The following CACUL1 variants were observed in gnomAD, a reference collection of about 807,000 sequenced individuals.
CACUL1 encodes the protein CDK2-associated and cullin domain-containing protein 1.
CACUL1 carries 13 observed loss-of-function variants against 45.2 expected under a neutral mutation model. The observed-to-expected ratio is 0.29, with a 90% CI of 0.19 to 0.46. The LOEUF (loss-of-function observed/expected upper bound fraction) is 0.46, where lower values mean the gene tolerates loss of function less well. Ranked by LOEUF, CACUL1 falls within the 20% of genes least tolerant of loss-of-function variation. CACUL1 has a pLI of 1.00. For missense variants in CACUL1, 421 were observed against 471.4 expected (o/e 0.89, Z 0.99); for synonymous variants, 197 against 174.2 (o/e 1.13, Z -1.03).
chr10:118,736,622 C>T (rs556794632), intron 1 of CACUL1, among the ~76,000 whole-genome samples: 2 of 152,150 alleles, frequency 1.3e-5, no homozygotes, highest in East Asian at 3.9e-4. Flanking sequence ...GGATTACACA[C>T]GTGAGCCACA....
chr10:118,713,555 C>T (rs994143462), intron 3 of CACUL1, among the ~76,000 whole-genome samples: 1 of 152,334 alleles, frequency 6.6e-6, no homozygotes, highest in Middle Eastern at 3.4e-3. Context: ...TCTGGATTCC[C>T]TGAATTTTGT....
intron 3 of CACUL1, 69 bp from the exon 4 acceptor site, chr10:118,707,656 CACAA>C (rs985181970): frequency 2.0e-5 from 12 of 608,476 alleles, no homozygotes; most frequent in Admixed American, 3.2e-5. Flanking sequence ...TAATTTGAAA[CACAA>C]ACAGAAGGAA....
At chr10:118,693,698 A>G (rs1361102817) in intron 6 of CACUL1, 1 of 456,654 alleles carries the variant, frequency 2.2e-6, no homozygotes, top group Non-Finnish European at 4.4e-6. Context: ...AACCTGGTAC[A>G]CACACTATTT....
chr10:118,754,965 G>C lies in CACUL1; in HGVS notation c.-203C>G. 1 of 600,896 alleles carries C rather than the reference G, an allele frequency of 1.7e-6. No homozygotes were observed. The highest frequency in any genetic ancestry group is 2.7e-6 in the Non-Finnish European group (1 of 374,482). 37.2% of individuals were successfully genotyped at this position (600,896 alleles called of 1,614,324 possible). A position where few individuals can be genotyped will look rare whatever the true frequency, so the allele number is the denominator to read the frequency against. ...CGGCTGACGGCGGTGGGCGCTCCGG[G>C]GCTCTAGTCTGGGAGAGGCAGCCGT... On this transcript the variant is annotated 5_prime_UTR_variant, in exon 1 of 9. Coordinates refer to ENST00000369151, the MANE Select transcript of CACUL1 (RefSeq NM_153810.5).
chr10:118,739,001 C>G (rs954918357), intron 1 of CACUL1, among the ~76,000 whole-genome samples: 2 of 150,568 alleles, frequency 1.3e-5, no homozygotes, highest in East Asian at 2.0e-4. Flanking sequence ...ATAGAGTCTC[C>G]TGGCTAACAC....
At chr10:118,750,682 T>C (rs1276415859) in intron 1 of CACUL1, among the ~76,000 whole-genome samples, 2 of 152,198 alleles carry the variant, frequency 1.3e-5, no homozygotes, top group Non-Finnish European at 2.9e-5. Flanking sequence ...ACTTCGGACA[T>C]CTCAACATCT....
Position 118,754,929 on chromosome 10 carries a change from G to A in CACUL1, c.-167C>T, listed in dbSNP as rs1845943134. On this transcript the variant is annotated 5_prime_UTR_variant, in exon 1 of 9. Transcript: ENST00000369151. Reference sequence around the variant, plus strand: ...CTCTCGCTCTCCGCGGGGCCGACTAGCTTGAAGACGCGGCTGACGGCGGTG... The same window carrying A: ...CTCTCGCTCTCCGCGGGGCCGACTAACTTGAAGACGCGGCTGACGGCGGTG... The A allele has an allele frequency of 4.4e-6, 4 of 912,054 alleles. No homozygotes were observed. The highest frequency in any genetic ancestry group is 3.2e-5 in the East Asian group (1 of 31,132). The allele number at this position is 912,054 out of a possible 1,614,324, so 56.5% of individuals were successfully genotyped here.
chr10:118,754,735 C>T lies in CACUL1; in HGVS notation c.28G>A (p.Gly10Arg). ...TCCATCATCGCCTCGTAGCTGCCCC[C>T]CTCCTCCTCTTCCATGCTTTCCTCC... MEESMEEEE[G>R]GSYEAMMDDQ... The change falls in exon 1 of 9, where the codon GGG becomes AGG. Residue 10 changes from glycine to arginine, a missense_variant. Gly to Arg is a moderately radical substitution (Grantham distance 125). Around this residue, in one of 2 missense-constraint regions of CACUL1, gnomAD observed 213 missense variants for 173.1 expected, o/e 1.23. Coordinates refer to ENST00000369151, the MANE Select transcript of CACUL1 (RefSeq NM_153810.5). 6.2e-7 allele frequency: 1 copy of T among 1,600,274 alleles called. No homozygotes were observed. The highest frequency in any genetic ancestry group is 8.5e-7 in the Non-Finnish European group (1 of 1,174,850).
At chr10:118,751,834 TA>T (rs1214305370) in intron 1 of CACUL1, among the ~76,000 whole-genome samples, 3 of 152,244 alleles carry the variant, frequency 2.0e-5, no homozygotes, top group Admixed American at 1.3e-4. Context: ...TTGTACCATT[TA>T]TTTAGATTAT....
chr10:118,709,210 A>C (rs1845462280), intron 3 of CACUL1, among the ~76,000 whole-genome samples: 1 of 152,202 alleles, frequency 6.6e-6, no homozygotes, highest in African/African-American at 2.4e-5. Context: ...CCTTATCTCC[A>C]ACAGTGGGAA....
chr10:118,734,526 G>C (rs919888124), intron 1 of CACUL1, among the ~76,000 whole-genome samples: 1 of 152,126 alleles, frequency 6.6e-6, no homozygotes, highest in Non-Finnish European at 1.5e-5. Context: ...TGAAAATAAT[G>C]AACTACTTTT....
At chr10:118,686,734 T>C (rs1845211612) in intron 7 of CACUL1, 93 bp from the exon 8 acceptor site, 5 of 913,146 alleles carry the variant, frequency 5.5e-6, no homozygotes, top group Admixed American at 1.8e-5. Flanking sequence ...ATAGCAGACA[T>C]TTCAGTTCTA....
intron 1 of CACUL1, among the ~76,000 whole-genome samples, chr10:118,752,710 T>C (rs908533982): frequency 6.6e-6 from 1 of 152,232 alleles, no homozygotes; most frequent in African/African-American, 2.4e-5. Context: ...TGTTAAAGTA[T>C]GGTGGAACTC....
At chr10:118,747,757 T>C (rs1251034570) in intron 1 of CACUL1, among the ~76,000 whole-genome samples, 1 of 152,092 alleles carries the variant, frequency 6.6e-6, no homozygotes, top group Non-Finnish European at 1.5e-5. Context: ...TGCTTGGGGC[T>C]GGAGGAAGCA....
At chr10:118,719,985 T>A (rs1278098353) in intron 3 of CACUL1, among the ~76,000 whole-genome samples, 1 of 152,162 alleles carries the variant, frequency 6.6e-6, no homozygotes, top group East Asian at 1.9e-4. Context: ...ATTAGACACT[T>A]CTCATATAAA....
intron 1 of CACUL1, among the ~76,000 whole-genome samples, chr10:118,734,713 C>A (rs967730096): frequency 6.6e-6 from 1 of 152,128 alleles, no homozygotes; most frequent in Non-Finnish European, 1.5e-5. Context: ...AAAACACTTA[C>A]TAAAAAAATG....
rs1352601929 is a variant in CACUL1 at position 118,679,909 on chromosome 10, C to G, written c.*6219G>C. ...CTTCAAGCAATCTTCCCACCTCAGCCTCTCAGTGTTGGGATTACAGGTGTG... is the reference window on the plus strand; with the variant it reads ...CTTCAAGCAATCTTCCCACCTCAGCGTCTCAGTGTTGGGATTACAGGTGTG... On this transcript the variant is annotated 3_prime_UTR_variant, in exon 9 of 9. Coordinates refer to ENST00000369151, the MANE Select transcript of CACUL1 (RefSeq NM_153810.5). The G allele has an allele frequency of 2.0e-5, 3 of 152,188 alleles. No homozygotes were observed. Among genetic ancestry groups the G allele is most frequent in the Non-Finnish European group, 4.4e-5 (3 of 68,062 alleles). 9.4% of individuals were successfully genotyped at this position (152,188 alleles called of 1,614,324 possible).
intron 3 of CACUL1, among the ~76,000 whole-genome samples, chr10:118,722,080 C>CTTTTTTTTTTTTTTTTTTTT (rs11358147): frequency 7.1e-6 from 1 of 140,518 alleles, no homozygotes; most frequent in Non-Finnish European, 1.5e-5. Context: ...CAGAAACAAA[C>CTTTTTTTTTTTTTTTTTTTT]TTTTTTTTTT....
chr10:118,696,629 C>T (rs368343400), intron 5 of CACUL1, among the ~76,000 whole-genome samples: 16 of 152,144 alleles, frequency 1.1e-4, no homozygotes, highest in South Asian at 8.3e-4. Context: ...GGTAACACAG[C>T]GAGACACTAT....
Sources: gnomAD v4.1 joint callset for allele counts (sites outside exome capture counted in the v4.1 genomes callset) on GRCh38, gnomAD v4.1.1 for gene constraint, gnomAD v4.1.1 regional missense constraint, MANE v1.5 for transcripts, NCBI Gene and HGNC (gene_info 2026-07-23, HGNC 2026-07-21) for gene names.